The following LRRK1 variants were observed in gnomAD, a reference collection of about 807,000 sequenced individuals.
LRRK1 encodes the protein leucine rich repeat kinase 1, also known as leucine-rich repeat serine/threonine-protein kinase 1.
In LRRK1, 113 loss-of-function variants were observed where a neutral mutation model predicts 209.1. That is an observed-to-expected ratio of 0.54 (90% CI 0.46 to 0.63). The LOEUF is 0.63. LRRK1 is among the 30% of genes least tolerant of loss of function. The pLI is 0.00. For synonymous variants in LRRK1, 1,144 were observed against 1,099.7 expected (o/e 1.04, Z -0.80); for missense variants, 2,284 against 2,632.2 (o/e 0.87, Z 2.89).
chr15:101,047,217 A>T (rs1001030608), intron 21 of LRRK1, among the ~76,000 whole-genome samples: 1 of 152,228 alleles, frequency 6.6e-6, no homozygotes, highest in African/African-American at 2.4e-5. Flanking sequence ...ATGTTCTTTG[A>T]TCTTCCCATT....
At position 101,066,721 on chromosome 15, in the gene LRRK1, C is replaced by T; in HGVS notation, c.5850C>T (p.Ala1950=). 1 of 1,614,172 alleles carries T rather than the reference C, an allele frequency of 6.2e-7. No homozygotes were observed. The highest frequency in any genetic ancestry group is 8.5e-7 in the Non-Finnish European group (1 of 1,179,982). ...QRGRVIAVLK[A]RELTPHGVLV... Reference sequence around the variant, plus strand: ...GCCGAGTCATTGCCGTCTTAAAAGCCCGAGAGCTGACTCCGCATGGGTAAG... The same window carrying T: ...GCCGAGTCATTGCCGTCTTAAAAGCTCGAGAGCTGACTCCGCATGGGTAAG... Residue 1950 remains alanine, a synonymous_variant, in exon 33 of 34, where the codon GCC becomes GCT. Coordinates refer to ENST00000388948, the MANE Select transcript of LRRK1 (RefSeq NM_024652.6).
rs201392064 is a variant in LRRK1, at chr15:101,029,133, G to A, written c.2864G>A (p.Arg955Lys). The A allele has an allele frequency of 6.2e-7, 1 of 1,614,224 alleles. No individual in the cohort carries two copies. Among genetic ancestry groups the A allele is most frequent in the East Asian group, 2.2e-5 (1 of 44,880 alleles). ...KNGVIRAEDL[R>K]MLLVGTGFTQ... ...GGGGTGATCAGAGCAGAAGACCTCA[G>A]GATGCTGCTGGTGGGGACTGGCTTC... The change falls in exon 20 of 34, where the codon AGG (arginine) becomes AAG (lysine). Residue 955 changes from arginine (R) to lysine (K), a missense_variant. By Grantham distance (26) the Arg-to-Lys change is conservative. Around this residue, in one of 6 missense-constraint regions of LRRK1, gnomAD observed 780 missense variants for 985.2 expected, o/e 0.79. Coordinates refer to ENST00000388948, the MANE Select transcript of LRRK1 (RefSeq NM_024652.6).
chr15:101,060,851 T>C (rs77463506), intron 29 of LRRK1, among the ~76,000 whole-genome samples: 1,678 of 152,328 alleles, frequency 0.011, 28 homozygotes, highest in African/African-American at 0.038. Context: ...TACTCTACAG[T>C]GAGGAGCTCC....
At chr15:101,004,160 C>T (rs2032833155) in intron 6 of LRRK1, among the ~76,000 whole-genome samples, 1 of 152,128 alleles carries the variant, frequency 6.6e-6, no homozygotes, top group Non-Finnish European at 1.5e-5. Context: ...AAATTAACCC[C>T]ACAAATCACT....
intron 3 of LRRK1, among the ~76,000 whole-genome samples, chr15:100,980,143 T>C (rs1279772868): frequency 1.1e-4 from 16 of 152,206 alleles, no homozygotes; most frequent in Admixed American, 9.2e-4. Context: ...ATACCAACTT[T>C]ATTTGTAATG....
At position 101,029,168 on chromosome 15, in the gene LRRK1, A is replaced by G. The variant is rs1343031369; in HGVS notation, c.2899A>G (p.Thr967Ala). ...GGTGGGGACTGGCTTCACGCAGCAG[A>G]CGGAAGAGCAGTACTTCCAGTTCCT... The part of the protein sequence containing the change: ...LLVGTGFTQQ[T>A]EEQYFQFLAK... The change falls in exon 20 of 34, where the codon ACG becomes GCG. Residue 967 changes from threonine (T) to alanine (A), a missense_variant. Around this residue, in one of 6 missense-constraint regions of LRRK1, gnomAD observed 780 missense variants for 985.2 expected, o/e 0.79. Transcript: ENST00000388948. 1 of 1,614,166 alleles carries G rather than the reference A, an allele frequency of 6.2e-7. No homozygotes were observed. The highest frequency in any genetic ancestry group is 8.5e-7 in the Non-Finnish European group (1 of 1,180,002).
intron 12 of LRRK1, among the ~76,000 whole-genome samples, chr15:101,017,448 C>A (rs749002659): frequency 6.6e-6 from 1 of 152,164 alleles, no homozygotes; most frequent in Non-Finnish European, 1.5e-5. Flanking sequence ...GAGTCCCCAG[C>A]GCCCCCCAGG....
At position 100,972,466 on chromosome 15, in the gene LRRK1, T is replaced by C. The variant is rs75570172; in HGVS notation, c.98-1338T>C. 5.0e-3 allele frequency among the ~76,000 whole-genome samples: 762 copies of C among 152,100 alleles called. 24 individuals carry two copies. Among genetic ancestry groups the C allele is most frequent in the Admixed American group, 0.044 (677 of 15,284 alleles). ...TTTGTAATAAAAAGGAGAAATGTTA[T>C]GTGTGTTTTTCAAGAAAACTTATTA... On this transcript the variant is annotated intron_variant, in intron 2 of 33. Transcript: ENST00000388948.
intron 2 of LRRK1, among the ~76,000 whole-genome samples, chr15:100,951,208 T>C (rs2042644736): frequency 6.6e-6 from 1 of 152,198 alleles, no homozygotes; most frequent in African/African-American, 2.4e-5. Context: ...TCATTAATCA[T>C]TATGGAAATG....
At chr15:101,058,745 G>A (rs1446535801) in intron 29 of LRRK1, among the ~76,000 whole-genome samples, 2 of 151,560 alleles carry the variant, frequency 1.3e-5, no homozygotes, top group Non-Finnish European at 2.9e-5. Context: ...AATTCAGGGA[G>A]CACAATGCAA....
chr15:100,948,434 T>G (rs1050788063), intron 2 of LRRK1, among the ~76,000 whole-genome samples: 13 of 152,202 alleles, frequency 8.5e-5, no homozygotes, highest in Non-Finnish European at 1.8e-4. Flanking sequence ...TAAATTCCCC[T>G]CCCTGTGGGT....
chr15:100,923,231 G>T (rs1310289674), intron 1 of LRRK1, among the ~76,000 whole-genome samples: 7 of 152,136 alleles, frequency 4.6e-5, no homozygotes, highest in Admixed American at 4.6e-4. Context: ...CCGGGCATAA[G>T]GGTGGATGTC....
At chr15:101,016,003 T>C (rs2033521069) in intron 12 of LRRK1, among the ~76,000 whole-genome samples, 1 of 145,288 alleles carries the variant, frequency 6.9e-6, no homozygotes. Flanking sequence ...TTTTTTTTTT[T>C]CTTTGAGACT....
At chr15:101,009,162 A>C in intron 7 of LRRK1, 99 bp downstream of exon 7, 1 of 960,938 alleles carries the variant, frequency 1.0e-6, no homozygotes, top group South Asian at 1.6e-5. Flanking sequence ...TTTGGGGGAA[A>C]AATGTTCTGG....
intron 9 of LRRK1, among the ~76,000 whole-genome samples, chr15:101,011,474 CA>C (rs35220453): frequency 0.18 from 14,350 of 78,206 alleles, 649 homozygotes; most frequent in East Asian, 0.39. Context: ...GACTCTGTCT[CA>C]AAAAAAAAAA....
intron 2 of LRRK1, among the ~76,000 whole-genome samples, chr15:100,952,054 T>A (rs938278451): frequency 2.0e-5 from 3 of 152,006 alleles, no homozygotes; most frequent in Non-Finnish European, 4.4e-5. Flanking sequence ...GAAAACATGC[T>A]GAGTGAAAGA....
intron 31 of LRRK1, among the ~76,000 whole-genome samples, chr15:101,062,910 A>G (rs1033873619): frequency 6.6e-6 from 1 of 152,156 alleles, no homozygotes; most frequent in Non-Finnish European, 1.5e-5. Flanking sequence ...GCCAGACTGC[A>G]GGCCGAATGA....
rs2036800053 is a variant in LRRK1 at position 101,071,390 on chromosome 15, G to GTTTTGT, written c.*2553_*2558dup. On this transcript the variant is annotated 3_prime_UTR_variant, in exon 34 of 34. Transcript: ENST00000388948. ...AGAATCTCTGTGTTTTTTTTGTTTT[G>GTTTTGT]TTTTGTTTTTGTTTTTTGAGACGGA... The GTTTTGT allele has an allele frequency of 6.6e-6, 1 of 151,604 alleles. No homozygotes were observed. The highest frequency in any genetic ancestry group is 6.6e-5 in the Admixed American group (1 of 15,232). 9.4% of individuals were successfully genotyped at this position (151,604 alleles called of 1,614,324 possible). A position where few individuals can be genotyped will look rare whatever the true frequency, so the allele number is the denominator to read the frequency against.
intron 4 of LRRK1, among the ~76,000 whole-genome samples, chr15:100,988,234 A>G (rs987229219): frequency 6.6e-6 from 1 of 152,108 alleles, no homozygotes; most frequent in Non-Finnish European, 1.5e-5. Context: ...TATGCAGATT[A>G]TTTCGTCACC....
Sources: gnomAD v4.1 joint callset for allele counts (sites outside exome capture counted in the v4.1 genomes callset) on GRCh38, gnomAD v4.1.1 for gene constraint, gnomAD v4.1.1 regional missense constraint, MANE v1.5 for transcripts, NCBI Gene and HGNC (gene_info 2026-07-23, HGNC 2026-07-21) for gene names.